Variants in VAT1L observed in about 807,000 individuals in gnomAD.
The protein encoded by VAT1L is vesicle amine transport 1 like.
VAT1L carries 34 observed loss-of-function variants against 44.1 expected under a neutral mutation model. The observed-to-expected ratio is 0.77, with a 90% confidence interval of 0.59 to 1.03. The LOEUF (loss-of-function observed/expected upper bound fraction) is 1.03. Among genes scored for constraint, VAT1L ranks in the 50% least tolerant of loss-of-function variants. VAT1L has a pLI of 0.00. For synonymous variants in VAT1L, 253 were observed against 202.2 expected (o/e 1.25, Z -2.13); for missense variants, 615 against 538.8 (o/e 1.14, Z -1.40).
chr16:77,974,012 C>G lies in VAT1L; in HGVS notation c.1161+2079C>G, dbSNP rs2008693. On this transcript the variant is annotated intron_variant, in intron 8 of 8. Transcript: ENST00000302536. ...GATTACAGGCATGAGCCACCGCACC[C>G]GGCCAGGAGTGTGTATTTTTAAAAG... 2.6e-5 allele frequency among the ~76,000 whole-genome samples: 4 copies of G among 152,274 alleles called. No homozygotes were observed. The South Asian group carries it at 8.3e-4, about 32-fold the overall frequency.
At chr16:77,968,064 A>T (rs1239143688) in intron 7 of VAT1L, among the ~76,000 whole-genome samples, 2 of 152,138 alleles carry the variant, frequency 1.3e-5, no homozygotes, top group African/African-American at 4.8e-5. Context: ...GGTAATAATT[A>T]TGTATGTGAG....
intron 7 of VAT1L, among the ~76,000 whole-genome samples, chr16:77,898,859 A>C (rs1042702480): frequency 1.3e-5 from 2 of 152,224 alleles, no homozygotes; most frequent in Admixed American, 6.5e-5. Flanking sequence ...GAACAGCACA[A>C]ATGATAAACA....
At chr16:77,964,149 C>T (rs1032253015) in intron 7 of VAT1L, among the ~76,000 whole-genome samples, 2 of 152,166 alleles carry the variant, frequency 1.3e-5, no homozygotes, top group African/African-American at 4.8e-5. Context: ...CCCTGAATCC[C>T]TATTGCTCAG....
At chr16:77,952,965 G>T (rs573436518) in intron 7 of VAT1L, among the ~76,000 whole-genome samples, 2 of 150,780 alleles carry the variant, frequency 1.3e-5, no homozygotes, top group Admixed American at 6.6e-5. Context: ...TGGAAACGGG[G>T]TTGTTGCAGA....
chr16:77,798,322 G>T (rs749359934), intron 1 of VAT1L, among the ~76,000 whole-genome samples: 2 of 152,324 alleles, frequency 1.3e-5, no homozygotes, highest in Non-Finnish European at 2.9e-5. Flanking sequence ...GTTAATGTGT[G>T]AACTAAAACA....
intron 7 of VAT1L, among the ~76,000 whole-genome samples, chr16:77,937,554 T>C (rs1316960571): frequency 6.6e-6 from 1 of 152,082 alleles, no homozygotes; most frequent in Non-Finnish European, 1.5e-5. Context: ...TCTGGCTGCT[T>C]ATAGTTAGAA....
intron 2 of VAT1L, among the ~76,000 whole-genome samples, chr16:77,824,882 T>A (rs1417581253): frequency 2.1e-5 from 3 of 139,620 alleles, no homozygotes; most frequent in Non-Finnish European, 4.6e-5. Flanking sequence ...TTTTTTTTTT[T>A]TGGAGGCAGA....
intron 6 of VAT1L, among the ~76,000 whole-genome samples, chr16:77,881,539 T>C (rs78308100): frequency 0.038 from 5,805 of 152,308 alleles, 382 homozygotes; most frequent in African/African-American, 0.13. Flanking sequence ...AGTTTGGAAT[T>C]CATTCTAAGT....
rs192594907 is a variant in VAT1L at position 77,925,682 on chromosome 16, T to A, written c.1077+40880T>A. Among the ~76,000 whole-genome samples, 637 of 152,312 alleles carry A rather than the reference T, an allele frequency of 4.2e-3. 23 individuals carry two copies. Among genetic ancestry groups the A allele is most frequent in the Admixed American group, 0.037 (573 of 15,296 alleles). The stretch of plus-strand genomic sequence containing the variant: ...TAAAATCAATTTTGCTTTTCCCTCG[T>A]TCTGCAGATGACGTAAAATCTAGAG... On this transcript the variant is annotated intron_variant, in intron 7 of 8. Coordinates refer to ENST00000302536, the MANE Select transcript of VAT1L (RefSeq NM_020927.3).
At position 77,897,350 on chromosome 16, in the gene VAT1L, G is replaced by C. The variant is rs112043804; in HGVS notation, c.1077+12548G>C. ...TTATGATTATTGTGCAATCAACTGA[G>C]TCCATATGTGGTGAACTCTTGTACA... is the stretch of plus-strand genomic sequence containing the variant. On this transcript the variant is annotated intron_variant, in intron 7 of 8. Transcript: ENST00000302536. Among the ~76,000 whole-genome samples, 1,511 of 152,306 alleles carry C rather than the reference G, an allele frequency of 9.9e-3. 8 individuals are homozygous for C. The highest frequency in any genetic ancestry group is 0.016 in the Non-Finnish European group (1,068 of 68,032).
chr16:77,802,527 T>C (rs1237218905), intron 1 of VAT1L, among the ~76,000 whole-genome samples: 5 of 151,672 alleles, frequency 3.3e-5, no homozygotes, highest in Non-Finnish European at 7.4e-5. Flanking sequence ...AGGCAGGGAA[T>C]TGCTTGAACC....
chr16:77,928,184 A>G (rs1217412848), intron 7 of VAT1L, among the ~76,000 whole-genome samples: 1 of 152,180 alleles, frequency 6.6e-6, no homozygotes, highest in Non-Finnish European at 1.5e-5. Context: ...GATGAACCAG[A>G]GCAAGACCTG....
intron 5 of VAT1L, among the ~76,000 whole-genome samples, chr16:77,878,889 C>T (rs773842240): frequency 3.3e-5 from 5 of 152,136 alleles, no homozygotes; most frequent in Non-Finnish European, 7.4e-5. Flanking sequence ...TCATTTTATT[C>T]AAACGTTGGC....
chr16:77,830,293 A>G (rs923845241), intron 3 of VAT1L, among the ~76,000 whole-genome samples: 1 of 152,130 alleles, frequency 6.6e-6, no homozygotes, highest in Non-Finnish European at 1.5e-5. Flanking sequence ...TTCTCTCCCA[A>G]TTCAGATGTA....
intron 1 of VAT1L, among the ~76,000 whole-genome samples, chr16:77,789,992 C>G (rs1181482379): frequency 6.6e-6 from 1 of 152,206 alleles, no homozygotes; most frequent in Non-Finnish European, 1.5e-5. Context: ...TCCTTCCCAT[C>G]TGTTTTCTAG....
At chr16:77,812,133 G>C (rs2016275913) in intron 1 of VAT1L, among the ~76,000 whole-genome samples, 1 of 149,580 alleles carries the variant, frequency 6.7e-6, no homozygotes. Flanking sequence ...CCAGGCTGGA[G>C]TGCAGTGGAG....
At chr16:77,817,151 C>T in intron 2 of VAT1L, 101 bp downstream of exon 2, 1 of 1,458,158 alleles carries the variant, frequency 6.9e-7, no homozygotes, top group Non-Finnish European at 9.2e-7. Flanking sequence ...CTATGGCGTG[C>T]ATTATTATCA....
intron 3 of VAT1L, among the ~76,000 whole-genome samples, chr16:77,839,891 A>C (rs191295189): frequency 6.6e-6 from 1 of 152,222 alleles, no homozygotes; most frequent in African/African-American, 2.4e-5. Flanking sequence ...TTGATCTTCA[A>C]TGTCAACCCT....
chr16:77,798,121 C>T (rs909128004), intron 1 of VAT1L, among the ~76,000 whole-genome samples: 3 of 152,192 alleles, frequency 2.0e-5, no homozygotes, highest in Non-Finnish European at 2.9e-5. Flanking sequence ...AACAATGCTT[C>T]ACCAAACAGA....
Sources: gnomAD v4.1 joint callset for allele counts (sites outside exome capture counted in the v4.1 genomes callset) on GRCh38, gnomAD v4.1.1 for gene constraint, MANE v1.5 for transcripts, NCBI Gene and HGNC (gene_info 2026-07-23, HGNC 2026-07-21) for gene names.